The following GAP43 variants were observed in gnomAD, a reference collection of about 807,000 sequenced individuals.
GAP43 encodes growth associated protein 43, also known as neuromodulin.
Under a neutral mutation model 18.6 loss-of-function variants are expected in GAP43, and 6 were observed. The ratio of observed to expected loss-of-function variants is 0.32; its 90% CI spans 0.18 to 0.64. GAP43 has a LOEUF of 0.64. Among genes scored for constraint, GAP43 ranks in the 30% least tolerant of loss-of-function variants. GAP43 has a pLI of 0.78. For synonymous variants in GAP43, 115 were observed against 111.4 expected (o/e 1.03, Z -0.20); for missense variants, 292 against 295.5 (o/e 0.99, Z 0.09).
chr3:115,645,052 G>T (rs972629168), intron 1 of GAP43, among the ~76,000 whole-genome samples: 2 of 151,948 alleles, frequency 1.3e-5, no homozygotes. Context: ...TATCATTTTT[G>T]TTTATCAATA....
chr3:115,683,649 T>A (rs755338911), intron 2 of GAP43, among the ~76,000 whole-genome samples: 5 of 152,236 alleles, frequency 3.3e-5, no homozygotes, highest in Non-Finnish European at 5.9e-5. Flanking sequence ...TGTATTTTTA[T>A]ATGCTTTTAT....
intron 1 of GAP43, among the ~76,000 whole-genome samples, chr3:115,675,108 G>A (rs1441203563): frequency 6.6e-6 from 1 of 152,138 alleles, no homozygotes; most frequent in Non-Finnish European, 1.5e-5. Flanking sequence ...GTCTCAATCT[G>A]TTACCAAGGC....
chr3:115,673,775 A>G (rs1030979251), intron 1 of GAP43, among the ~76,000 whole-genome samples: 6 of 152,108 alleles, frequency 3.9e-5, no homozygotes, highest in Non-Finnish European at 5.9e-5. Flanking sequence ...TACATCAGAG[A>G]ACTGAGCAGT....
intron 1 of GAP43, among the ~76,000 whole-genome samples, chr3:115,641,041 T>C (rs1021737079): frequency 1.2e-4 from 18 of 150,212 alleles, no homozygotes; most frequent in African/African-American, 3.2e-4. Context: ...TTTTTTCTTT[T>C]TTTTTTTTCA....
At chr3:115,700,433 A>T (rs1202003861) in intron 2 of GAP43, among the ~76,000 whole-genome samples, 1 of 152,056 alleles carries the variant, frequency 6.6e-6, no homozygotes, top group East Asian at 1.9e-4. Context: ...ACCACCTCCA[A>T]ATCACCTAAC....
intron 2 of GAP43, among the ~76,000 whole-genome samples, chr3:115,709,835 A>G (rs958043929): frequency 1.8e-5 from 2 of 110,732 alleles, no homozygotes; most frequent in Non-Finnish European, 3.8e-5. Context: ...GCAAGTATAC[A>G]TGAACATACA....
chr3:115,684,207 G>T (rs1553723595), intron 2 of GAP43, among the ~76,000 whole-genome samples: 1 of 151,406 alleles, frequency 6.6e-6, no homozygotes, highest in Non-Finnish European at 1.5e-5. Flanking sequence ...ACTTTTGAAG[G>T]CTTTTTTTTC....
At chr3:115,636,995 T>C (rs1296268527) in intron 1 of GAP43, among the ~76,000 whole-genome samples, 1 of 152,122 alleles carries the variant, frequency 6.6e-6, no homozygotes, top group African/African-American at 2.4e-5. Flanking sequence ...AATTTTCCTA[T>C]AATTTTGTTC....
intron 1 of GAP43, among the ~76,000 whole-genome samples, chr3:115,634,621 T>C (rs903683355): frequency 6.6e-6 from 1 of 151,894 alleles, no homozygotes. Flanking sequence ...AATAAAAAAA[T>C]TAGCTGGGTG....
At chr3:115,652,636 C>G (rs35241115) in intron 1 of GAP43, among the ~76,000 whole-genome samples, 39,743 of 151,948 alleles carry the variant, frequency 0.26, 5,622 homozygotes, top group East Asian at 0.41. Context: ...TCCTCCCACC[C>G]CAGCCTCACA....
chr3:115,627,436 T>A (rs1047027952), intron 1 of GAP43, among the ~76,000 whole-genome samples: 1 of 151,860 alleles, frequency 6.6e-6, no homozygotes, highest in Non-Finnish European at 1.5e-5. Context: ...AGGGCAGTAC[T>A]CCTGTTCACC....
rs188642072 is a variant in GAP43, at chr3:115,630,308, C to T, written c.30+6589C>T. On this transcript the variant is annotated intron_variant, in intron 1 of 2. Transcript: ENST00000305124. ...ACCTTCATTTGGATTTCTTTTCTTC[C>T]GTCTGAAGTATCCACATAATAATAT... Among the ~76,000 whole-genome samples the T allele has an allele frequency of 1.1e-4, 16 of 152,162 alleles. No homozygotes were observed. The East Asian group carries it at 1.7e-3, about 17-fold the overall frequency.
chr3:115,685,208 G>A (rs929597567), intron 2 of GAP43, among the ~76,000 whole-genome samples: 1 of 152,166 alleles, frequency 6.6e-6, no homozygotes, highest in Admixed American at 6.5e-5. Context: ...AGACCAGTGT[G>A]AGCATTTTGC....
chr3:115,624,641 C>A (rs758048736), intron 1 of GAP43, among the ~76,000 whole-genome samples: 15 of 152,200 alleles, frequency 9.9e-5, no homozygotes, highest in Non-Finnish European at 2.1e-4. Context: ...CCCCTCCTTC[C>A]CTCCCCCACT....
chr3:115,675,783 A>G (rs1182944392), intron 1 of GAP43, among the ~76,000 whole-genome samples: 1 of 150,448 alleles, frequency 6.6e-6, no homozygotes, highest in Non-Finnish European at 1.5e-5. Context: ...AAAAAAAAAA[A>G]AAAAATGGCC....
At chr3:115,626,675 G>A (rs889130045) in intron 1 of GAP43, among the ~76,000 whole-genome samples, 4 of 152,178 alleles carry the variant, frequency 2.6e-5, no homozygotes, top group African/African-American at 4.8e-5. Flanking sequence ...AAACTATGAG[G>A]TGTTTCTTTT....
chr3:115,713,150 G>A (rs1193634643), intron 2 of GAP43, among the ~76,000 whole-genome samples: 1 of 152,198 alleles, frequency 6.6e-6, no homozygotes, highest in Non-Finnish European at 1.5e-5. Context: ...AGGGCCATAT[G>A]TGAGTTAGCT....
At chr3:115,701,370 A>G (rs139823096) in intron 2 of GAP43, among the ~76,000 whole-genome samples, 1 of 152,138 alleles carries the variant, frequency 6.6e-6, no homozygotes, top group East Asian at 1.9e-4. Context: ...TGGAATCAGT[A>G]TCATTGTTAT....
chr3:115,690,711 A>G lies in GAP43; in HGVS notation c.628+14101A>G, dbSNP rs143795160. Among the ~76,000 whole-genome samples, 667 of 147,136 alleles carry G rather than the reference A, an allele frequency of 4.5e-3. 2 individuals are homozygous for G. The highest frequency in any genetic ancestry group is 8.0e-3 in the Non-Finnish European group (532 of 66,916). On this transcript the variant is annotated intron_variant, in intron 2 of 2. Coordinates refer to ENST00000305124, the MANE Select transcript of GAP43 (RefSeq NM_002045.4). ...TTGATCCTCATACTCTCCTCTCCCC[A>G]TATGAAGATCCTCTGGGCAAATCTT...
Sources: allele counts gnomAD v4.1 joint callset (sites outside exome capture counted in the v4.1 genomes callset), GRCh38; gene constraint gnomAD v4.1.1; transcripts MANE v1.5; gene names NCBI Gene and HGNC (gene_info 2026-07-23, HGNC 2026-07-21).